The following SPATA31H1 variants were observed in gnomAD, a reference collection of about 807,000 sequenced individuals.
The protein encoded by SPATA31H1 is SPATA31 subfamily H member 1.
the SPATA31H1 span, chr2:27,580,598 GAA>G: frequency 6.2e-7 from 1 of 1,614,148 alleles, no homozygotes; most frequent in South Asian, 1.1e-5. Context: ...GACAACCTAA[GAA>G]ACCTTCCCAA....
At chr2:27,571,374 G>A in the SPATA31H1 span, 1 of 398,358 alleles carries the variant, frequency 2.5e-6, no homozygotes, top group Non-Finnish European at 4.4e-6. Flanking sequence ...GCCGGAAGGT[G>A]GGAAATCTGT....
the SPATA31H1 span, chr2:27,578,550 G>A: frequency 1.2e-6 from 2 of 1,613,986 alleles, no homozygotes; most frequent in Non-Finnish European, 8.5e-7. Context: ...AGTGAAGTCT[G>A]CAGAATTAAC....
chr2:27,571,382 T>C, the SPATA31H1 span: 10 of 398,300 alleles, frequency 2.5e-5, no homozygotes, highest in Admixed American at 4.4e-4. Flanking sequence ...GTGGGAAATC[T>C]GTGGCGATAA....
the SPATA31H1 span, among the ~76,000 whole-genome samples, chr2:27,553,006 C>T: frequency 6.6e-6 from 1 of 152,048 alleles, no homozygotes; most frequent in African/African-American, 2.4e-5. Flanking sequence ...AACTTCTGTA[C>T]AATTTTAAAC....
At chr2:27,581,067 GAGTCTAAGA>G in the SPATA31H1 span, 144 of 1,614,152 alleles carry the variant, frequency 8.9e-5, no homozygotes, top group African/African-American at 1.8e-3. Context: ...CTCCAGCCAG[GAGTCTAAGA>G]ACTTGTCCAC....
the SPATA31H1 span, among the ~76,000 whole-genome samples, chr2:27,553,387 C>G: frequency 6.6e-6 from 1 of 152,062 alleles, no homozygotes; most frequent in Non-Finnish European, 1.5e-5. Context: ...AGTTTTCCTG[C>G]TGTGGTGGCT....
the SPATA31H1 span, chr2:27,567,303 G>A: frequency 2.1e-5 from 12 of 560,108 alleles, no homozygotes; most frequent in Non-Finnish European, 3.8e-5. Context: ...GTCTCAGAAG[G>A]TTTTTGCTTT....
chr2:27,567,699 C>A, the SPATA31H1 span: 3 of 400,244 alleles, frequency 7.5e-6, no homozygotes, highest in Non-Finnish European at 8.8e-6. Context: ...GAAGAATGAT[C>A]CAAAACATGT....
the SPATA31H1 span, among the ~76,000 whole-genome samples, chr2:27,554,741 T>C: frequency 0.026 from 3,880 of 152,026 alleles, 210 homozygotes; most frequent in African/African-American, 0.09. Context: ...GCCCGGCTAA[T>C]TTTTGTATTT....
the SPATA31H1 span, among the ~76,000 whole-genome samples, chr2:27,556,749 C>T: frequency 5.6e-5 from 7 of 125,288 alleles, no homozygotes; most frequent in African/African-American, 1.2e-4. Flanking sequence ...GGGTGTTTCT[C>T]GCAGAGGGGG....
the SPATA31H1 span, chr2:27,581,055 A>G: frequency 6.2e-7 from 1 of 1,613,988 alleles, no homozygotes; most frequent in South Asian, 1.1e-5. Context: ...TAGAAATGAA[A>G]CCTCCAGCCA....
chr2:27,555,633 C>A, the SPATA31H1 span, among the ~76,000 whole-genome samples: 1 of 151,754 alleles, frequency 6.6e-6, no homozygotes, highest in Non-Finnish European at 1.5e-5. Flanking sequence ...ATGATTGTGT[C>A]ACCGCACTGC....
At chr2:27,543,696 G>A in the SPATA31H1 span, among the ~76,000 whole-genome samples, 1 of 151,826 alleles carries the variant, frequency 6.6e-6, no homozygotes, top group Admixed American at 6.6e-5. Context: ...TTAGCCATCT[G>A]AAGGCAAAAA....
chr2:27,578,567 G>A, the SPATA31H1 span: 43 of 1,613,710 alleles, frequency 2.7e-5, no homozygotes, highest in African/African-American at 2.3e-4. Context: ...TAACCTCACC[G>A]CAAACATCTC....
chr2:27,544,522 GACA>G, the SPATA31H1 span, among the ~76,000 whole-genome samples: 81 of 146,468 alleles, frequency 5.5e-4, 2 homozygotes, highest in African/African-American at 2.0e-3. Context: ...TCATCTTGTT[GACA>G]ACAATTTTTT....
chr2:27,579,923 A>G, the SPATA31H1 span: 1 of 1,614,152 alleles, frequency 6.2e-7, no homozygotes, highest in South Asian at 1.1e-5. Flanking sequence ...TAGTCCTAAA[A>G]TACCCTATCT....
chr2:27,574,967 G>A, the SPATA31H1 span: 2 of 398,528 alleles, frequency 5.0e-6, no homozygotes, highest in African/African-American at 4.1e-5. Context: ...GGCAAGATGT[G>A]AAATCTTCTG....
chr2:27,556,692 AT>A, the SPATA31H1 span, among the ~76,000 whole-genome samples: 2,561 of 131,182 alleles, frequency 0.02, 40 homozygotes, highest in South Asian at 0.061. Context: ...AAGGGCATAT[AT>A]TTTTTTTTTT....
chr2:27,576,713 A>G, the SPATA31H1 span: 2 of 1,614,100 alleles, frequency 1.2e-6, no homozygotes, highest in South Asian at 2.2e-5. Context: ...CTAGTGTCAG[A>G]TTTTCAAATT....
Sources: allele counts gnomAD v4.1 joint callset (sites outside exome capture counted in the v4.1 genomes callset), GRCh38; gene constraint gnomAD v4.1.1; transcripts MANE v1.5; gene names NCBI Gene and HGNC (gene_info 2026-07-23, HGNC 2026-07-21).